TMEM150C: variants seen among roughly 807,000 people sequenced by gnomAD.
The protein encoded by TMEM150C is tentonin 3.
TMEM150C carries 10 observed loss-of-function variants against 29.9 expected under a neutral mutation model. The observed-to-expected ratio is 0.33, with a 90% CI of 0.21 to 0.57. The LOEUF is 0.57. Ranked by LOEUF, TMEM150C falls within the 20% of genes least tolerant of loss-of-function variation. The pLI is 0.88. For missense variants in TMEM150C, 251 were observed against 303.6 expected (o/e 0.83, Z 1.29); for synonymous variants, 101 against 112.5 (o/e 0.90, Z 0.64).
At chr4:82,560,309 T>G (rs1325690827) in intron 1 of TMEM150C, among the ~76,000 whole-genome samples, 3 of 152,196 alleles carry the variant, frequency 2.0e-5, no homozygotes, top group Non-Finnish European at 2.9e-5. Flanking sequence ...TCAAATACTT[T>G]AATATATTTG....
At chr4:82,494,104 T>C (rs1211959311) in intron 6 of TMEM150C, among the ~76,000 whole-genome samples, 1 of 152,230 alleles carries the variant, frequency 6.6e-6, no homozygotes, top group African/African-American at 2.4e-5. Flanking sequence ...AATGCTGAGG[T>C]CTTGAATGCC....
At chr4:82,506,796 C>T (rs1723935802) in intron 1 of TMEM150C, among the ~76,000 whole-genome samples, 1 of 152,092 alleles carries the variant, frequency 6.6e-6, no homozygotes, top group Non-Finnish European at 1.5e-5. Flanking sequence ...ATTATGCCAA[C>T]AAAAATAATT....
chr4:82,521,783 C>T (rs1019149579), intron 1 of TMEM150C, among the ~76,000 whole-genome samples: 1 of 152,210 alleles, frequency 6.6e-6, no homozygotes, highest in Non-Finnish European at 1.5e-5. Context: ...GAGGCATCCA[C>T]AGTCAGACTG....
chr4:82,496,488 G>A (rs973024539), intron 5 of TMEM150C, among the ~76,000 whole-genome samples: 1 of 152,152 alleles, frequency 6.6e-6, no homozygotes, highest in African/African-American at 2.4e-5. Flanking sequence ...AGGCAACAGG[G>A]CTGTATGTTA....
intron 1 of TMEM150C, among the ~76,000 whole-genome samples, chr4:82,542,880 A>G (rs1483367409): frequency 6.6e-6 from 1 of 152,232 alleles, no homozygotes; most frequent in African/African-American, 2.4e-5. Flanking sequence ...AAGACACAGT[A>G]CTGAAAGTAC....
intron 1 of TMEM150C, among the ~76,000 whole-genome samples, chr4:82,549,725 T>C (rs577422562): frequency 1.3e-4 from 20 of 152,360 alleles, no homozygotes; most frequent in African/African-American, 4.1e-4. Context: ...CATCTCTTTA[T>C]TGGAGATATA....
intron 1 of TMEM150C, among the ~76,000 whole-genome samples, chr4:82,524,216 C>T (rs1402249928): frequency 1.3e-5 from 2 of 151,578 alleles, no homozygotes; most frequent in African/African-American, 2.4e-5. Flanking sequence ...TGCAGTGAGC[C>T]GAGATCACGC....
At chr4:82,495,440 C>CA in intron 6 of TMEM150C, 1 of 327,330 alleles carries the variant, frequency 3.1e-6, no homozygotes, top group South Asian at 2.8e-5. Flanking sequence ...GACTCCGTCT[C>CA]AAAAAAGAAA....
intron 1 of TMEM150C, chr4:82,509,878 CAG>C (rs1724063569): frequency 6.6e-6 from 1 of 152,128 alleles, no homozygotes; most frequent in Non-Finnish European, 1.5e-5. Flanking sequence ...AAATTCAAAA[CAG>C]ATAGTTTGTA....
intron 1 of TMEM150C, among the ~76,000 whole-genome samples, chr4:82,525,517 T>G (rs778618143): frequency 7.9e-5 from 12 of 152,234 alleles, no homozygotes; most frequent in Non-Finnish European, 1.6e-4. Context: ...ATATTCAGGA[T>G]AAAGAAAGGG....
At chr4:82,495,532 C>CTT in intron 6 of TMEM150C, 1 of 355,784 alleles carries the variant, frequency 2.8e-6, no homozygotes, top group Admixed American at 3.3e-5. Flanking sequence ...AGCCTTCTCT[C>CTT]TTTTTTTTCA....
At chr4:82,550,040 T>C (rs1486450866) in intron 1 of TMEM150C, among the ~76,000 whole-genome samples, 1 of 152,132 alleles carries the variant, frequency 6.6e-6, no homozygotes, top group African/African-American at 2.4e-5. Flanking sequence ...GAGGTTGATA[T>C]GGTTTGGCTC....
In TMEM150C at chr4:82,483,852, C is replaced by T. The variant is rs1043155779; in HGVS notation, c.*1659G>A. 1.9e-4 allele frequency: 28 copies of T among 147,228 alleles called. No homozygotes were observed. Among genetic ancestry groups the T allele is most frequent in the Non-Finnish European group, 4.0e-4 (27 of 67,648 alleles). The allele number at this position is 147,228 out of a possible 1,614,324, so 9.1% of individuals were successfully genotyped here. ...TTTTGCCCAGGCTGGAGTGCAATGG[C>T]GTGATCTCGTCTCACCGCAACCTGC... is the stretch of plus-strand genomic sequence containing the variant. On this transcript the variant is annotated 3_prime_UTR_variant, in exon 8 of 8. Transcript: ENST00000449862.
chr4:82,498,566 A>C (rs1228252922), intron 5 of TMEM150C, among the ~76,000 whole-genome samples: 1 of 152,172 alleles, frequency 6.6e-6, no homozygotes, highest in Non-Finnish European at 1.5e-5. Context: ...CTGGGACTAC[A>C]GTGAGCCACC....
intron 1 of TMEM150C, among the ~76,000 whole-genome samples, chr4:82,520,551 A>G (rs1724450529): frequency 6.6e-6 from 1 of 152,238 alleles, no homozygotes; most frequent in South Asian, 2.1e-4. Flanking sequence ...TACAGCAGCC[A>G]GGGAAATACT....
chr4:82,517,324 T>C (rs970779296), intron 1 of TMEM150C, among the ~76,000 whole-genome samples: 3 of 152,126 alleles, frequency 2.0e-5, no homozygotes, highest in African/African-American at 4.8e-5. Flanking sequence ...ATCACTGTAA[T>C]GGTTAATTTT....
intron 1 of TMEM150C, among the ~76,000 whole-genome samples, chr4:82,531,249 G>C (rs987745487): frequency 2.6e-5 from 4 of 152,170 alleles, no homozygotes; most frequent in African/African-American, 9.7e-5. Flanking sequence ...AGATGCCTTC[G>C]AGACATTTAG....
intron 1 of TMEM150C, among the ~76,000 whole-genome samples, chr4:82,522,717 G>C (rs1367126598): frequency 1.3e-5 from 2 of 152,216 alleles, no homozygotes; most frequent in Non-Finnish European, 2.9e-5. Flanking sequence ...AAGAGAGATT[G>C]AGCTCAATTC....
At chr4:82,508,418 T>C (rs924320773) in intron 1 of TMEM150C, among the ~76,000 whole-genome samples, 1 of 151,810 alleles carries the variant, frequency 6.6e-6, no homozygotes, top group African/African-American at 2.4e-5. Flanking sequence ...GCTGGGACTA[T>C]AGGCATGCAC....
Sources: gnomAD v4.1 joint callset for allele counts (sites outside exome capture counted in the v4.1 genomes callset) on GRCh38, gnomAD v4.1.1 for gene constraint, MANE v1.5 for transcripts, NCBI Gene and HGNC (gene_info 2026-07-23, HGNC 2026-07-21) for gene names.